The following OSBPL1A variants were observed in gnomAD, a reference collection of about 807,000 sequenced individuals.
OSBPL1A encodes the protein oxysterol binding protein like 1A, also known as oxysterol-binding protein-related protein 1.
In OSBPL1A, 80 loss-of-function variants were observed where a neutral mutation model predicts 137.1. That is an observed-to-expected ratio of 0.58 (90% CI 0.49 to 0.70). The LOEUF is 0.70. OSBPL1A is among the 30% of genes least tolerant of loss of function. OSBPL1A has a pLI of 0.00. For synonymous variants in OSBPL1A, 365 were observed against 389.7 expected (o/e 0.94, Z 0.75); for missense variants, 970 against 1,129.4 (o/e 0.86, Z 2.02).
At chr18:24,180,193 C>T (rs1286609138) in intron 19 of OSBPL1A, among the ~76,000 whole-genome samples, 4 of 152,040 alleles carry the variant, frequency 2.6e-5, no homozygotes, top group Non-Finnish European at 5.9e-5. Context: ...TATAAAACTC[C>T]ACAACTTAAT....
intron 17 of OSBPL1A, among the ~76,000 whole-genome samples, chr18:24,218,093 A>C (rs967023804): frequency 7.2e-5 from 11 of 152,222 alleles, no homozygotes; most frequent in African/African-American, 2.7e-4. Context: ...AGTATGTAGA[A>C]CTTTGGGATC....
At chr18:24,340,278 T>A (rs2091252236) in intron 5 of OSBPL1A, among the ~76,000 whole-genome samples, 1 of 152,238 alleles carries the variant, frequency 6.6e-6, no homozygotes, top group Admixed American at 6.5e-5. Flanking sequence ...TATTGTAGAC[T>A]CATGTTTTCT....
chr18:24,238,845 A>G (rs1044411372), intron 16 of OSBPL1A, among the ~76,000 whole-genome samples: 5 of 152,256 alleles, frequency 3.3e-5, no homozygotes, highest in Non-Finnish European at 7.3e-5. Flanking sequence ...TTCTTTATAT[A>G]AAGACCTCTT....
chr18:24,254,888 T>C (rs921762072), intron 15 of OSBPL1A, among the ~76,000 whole-genome samples: 13 of 151,660 alleles, frequency 8.6e-5, no homozygotes, highest in South Asian at 2.1e-4. Context: ...GTGAGGAAAA[T>C]AGAAAGATCA....
intron 17 of OSBPL1A, among the ~76,000 whole-genome samples, chr18:24,208,035 G>A (rs1250439388): frequency 2.0e-5 from 3 of 152,090 alleles, no homozygotes; most frequent in African/African-American, 4.8e-5. Flanking sequence ...ATGAACCACC[G>A]CGCCCTGCCT....
intron 4 of OSBPL1A, among the ~76,000 whole-genome samples, chr18:24,359,847 TAAAC>T (rs537088582): frequency 2.0e-5 from 3 of 152,200 alleles, no homozygotes; most frequent in Non-Finnish European, 4.4e-5. Flanking sequence ...GAACAAATAC[TAAAC>T]ACAGTATTTT....
At chr18:24,205,993 T>G (rs1380464885) in intron 17 of OSBPL1A, among the ~76,000 whole-genome samples, 3 of 152,118 alleles carry the variant, frequency 2.0e-5, no homozygotes, top group Admixed American at 2.0e-4. Flanking sequence ...GGGGTTCAAG[T>G]GATTCTCCTG....
intron 15 of OSBPL1A, among the ~76,000 whole-genome samples, chr18:24,260,049 A>G (rs2089404573): frequency 6.6e-6 from 1 of 152,314 alleles, no homozygotes; most frequent in Admixed American, 6.5e-5. Context: ...TTCTCCAAAA[A>G]AGACAGCCAG....
Position 24,163,088 on chromosome 18 carries a change from A to AAAGAT in OSBPL1A, c.*86_*90dup, listed in dbSNP as rs1287543918. ...GAGTGTTTTTTCATTTTTTTTTTTA[A>AAAGAT]AAGATAAGTAGAAACCAAGGGAAAA... On this transcript the variant is annotated 3_prime_UTR_variant, in exon 28 of 28. Coordinates refer to ENST00000319481, the MANE Select transcript of OSBPL1A (RefSeq NM_080597.4). The AAAGAT allele has an allele frequency of 1.1e-6, 1 of 912,264 alleles. No individual in the cohort carries two copies. The highest frequency in any genetic ancestry group is 3.1e-5 in the Admixed American group (1 of 32,710). The allele number at this position is 912,264 out of a possible 1,614,324, so 56.5% of individuals were successfully genotyped here. A position where few individuals can be genotyped will look rare whatever the true frequency, so the allele number is the denominator to read the frequency against.
chr18:24,386,279 G>A (rs1612939), intron 1 of OSBPL1A, among the ~76,000 whole-genome samples: 1 of 151,934 alleles, frequency 6.6e-6, no homozygotes, highest in Non-Finnish European at 1.5e-5. Context: ...AACAACTCAC[G>A]TTGCCTTGTG....
intron 17 of OSBPL1A, among the ~76,000 whole-genome samples, chr18:24,211,908 C>CA (rs36083802): frequency 0.49 from 71,341 of 144,828 alleles, 17,985 homozygotes; most frequent in East Asian, 0.73. Flanking sequence ...AACTCCATCT[C>CA]AAAAAAAAAA....
chr18:24,311,063 T>G (rs1226460964), intron 13 of OSBPL1A, among the ~76,000 whole-genome samples: 1 of 152,228 alleles, frequency 6.6e-6, no homozygotes, highest in Non-Finnish European at 1.5e-5. Context: ...TTCTGGGGAA[T>G]GTCTTCAACA....
chr18:24,302,369 A>G (rs1235366053), intron 14 of OSBPL1A: 1 of 152,110 alleles, frequency 6.6e-6, no homozygotes, highest in Non-Finnish European at 1.5e-5. Flanking sequence ...TAATTTTTTA[A>G]TTTACACAGG....
intron 17 of OSBPL1A, among the ~76,000 whole-genome samples, chr18:24,213,305 C>T (rs1358244010): frequency 2.0e-5 from 3 of 152,296 alleles, no homozygotes; most frequent in Non-Finnish European, 4.4e-5. Flanking sequence ...CAGTGGCTCA[C>T]GCCTGTAATC....
intron 20 of OSBPL1A, 142 bp downstream of exon 20, chr18:24,179,596 A>T: frequency 1.5e-6 from 1 of 674,306 alleles, no homozygotes; most frequent in Non-Finnish European, 2.5e-6. Context: ...CAGTCTCTAA[A>T]ATAATAGCTA....
Position 24,204,508 on chromosome 18 carries a change from C to A in OSBPL1A, c.1602-8308G>T, listed in dbSNP as rs552885533. Reference sequence around the variant, plus strand: ...AAGTATGTCTCCTTTTTAAAACTAGCTTCTGTGTTTTCTATCTTGGTGAAG... The same window carrying A: ...AAGTATGTCTCCTTTTTAAAACTAGATTCTGTGTTTTCTATCTTGGTGAAG... On this transcript the variant is annotated intron_variant, in intron 17 of 27. Transcript: ENST00000319481. Among the ~76,000 whole-genome samples, 17 of 151,130 alleles carry A rather than the reference C, an allele frequency of 1.1e-4. No individual in the cohort carries two copies. The South Asian group carries it at 3.6e-3, about 32-fold the overall frequency.
At chr18:24,272,196 T>A (rs1475123616) in intron 15 of OSBPL1A, 3 of 983,008 alleles carry the variant, frequency 3.1e-6, no homozygotes, top group Middle Eastern at 1.1e-3. Context: ...CTAGAGCTGC[T>A]GTGCGCTCGG....
At chr18:24,359,277 G>A (rs1251268507) in intron 4 of OSBPL1A, among the ~76,000 whole-genome samples, 2 of 151,830 alleles carry the variant, frequency 1.3e-5, no homozygotes, top group Non-Finnish European at 2.9e-5. Flanking sequence ...GCGGGAAGAG[G>A]GGGTCTTGTT....
At chr18:24,297,236 C>T (rs1029063392) in intron 14 of OSBPL1A, among the ~76,000 whole-genome samples, 28 of 151,966 alleles carry the variant, frequency 1.8e-4, no homozygotes, top group Non-Finnish European at 2.9e-4. Flanking sequence ...GATTGTGTTT[C>T]CAAGAATTTA....
Sources: gnomAD v4.1 joint callset for allele counts (sites outside exome capture counted in the v4.1 genomes callset) on GRCh38, gnomAD v4.1.1 for gene constraint, MANE v1.5 for transcripts, NCBI Gene and HGNC (gene_info 2026-07-23, HGNC 2026-07-21) for gene names.